Variants in SRSF1 observed in about 807,000 individuals in gnomAD.
SRSF1 encodes serine/arginine-rich splicing factor 1.
Under a neutral mutation model 25.9 loss-of-function variants are expected in SRSF1, and 1 was observed. That is an observed-to-expected ratio of 0.04 (90% CI 0.01 to 0.18). The LOEUF (loss-of-function observed/expected upper bound fraction) is 0.18. SRSF1 is among the 10% of genes least tolerant of loss of function. The pLI is 1.00. For synonymous variants in SRSF1, 132 were observed against 126.2 expected (o/e 1.05, Z -0.31); for missense variants, 65 against 350.5 (o/e 0.19, Z 6.50).
chr17:57,993,220 C>T, the SRSF1 span: 1 of 152,140 alleles, frequency 6.6e-6, no homozygotes, highest in East Asian at 1.9e-4. Flanking sequence ...GAAACCCTGT[C>T]TCTACTAAAA....
chr17:57,996,746 G>A (rs1385625780), downstream of SRSF1, among the ~76,000 whole-genome samples: 1 of 152,138 alleles, frequency 6.6e-6, no homozygotes, highest in Non-Finnish European at 1.5e-5. Flanking sequence ...GATGTGGGGT[G>A]TTAAAATGTA....
rs1053555618 is a variant in SRSF1 at position 58,004,717 on chromosome 17, G to A, written c.*689C>T. ...TTAAAACAAAAATGGGGGGAAGGGA[G>A]CAAAATAAGTTGCTACAAAATGGGC... On this transcript the variant is annotated 3_prime_UTR_variant, in exon 4 of 4. Coordinates refer to ENST00000258962, the MANE Select transcript of SRSF1 (RefSeq NM_006924.5). 5.7e-6 allele frequency: 2 copies of A among 351,208 alleles called. No individual in the cohort carries two copies. Among genetic ancestry groups the A allele is most frequent in the East Asian group, 4.2e-5 (1 of 23,904 alleles). The allele number at this position is 351,208 out of a possible 1,614,324, so 21.8% of individuals were successfully genotyped here. A position where few individuals can be genotyped will look rare whatever the true frequency, so the allele number is the denominator to read the frequency against.
At chr17:57,996,936 CCAA>C (rs766578590), downstream of SRSF1, among the ~76,000 whole-genome samples, 19 of 152,030 alleles carry the variant, frequency 1.2e-4, no homozygotes, top group Non-Finnish European at 2.1e-4. Context: ...TGAATAGTTA[CCAA>C]CAACAAAAAA....
chr17:58,006,552 G>T (rs756364563), intron 1 of SRSF1, 25 bp from the exon 2 acceptor site: 1 of 1,596,288 alleles, frequency 6.3e-7, no homozygotes, highest in Non-Finnish European at 8.5e-7. Flanking sequence ...AAAGTAAAAG[G>T]GATGAGAAAC....
rs2075415225 is a variant in SRSF1, at chr17:58,004,703, A to C, written c.*703T>G. 3 of 328,736 alleles carry C rather than the reference A, an allele frequency of 9.1e-6. No individual in the cohort carries two copies. Among genetic ancestry groups the C allele is most frequent in the Non-Finnish European group, 1.6e-5 (3 of 182,136 alleles). 20.4% of individuals were successfully genotyped at this position (328,736 alleles called of 1,614,324 possible). A position where few individuals can be genotyped will look rare whatever the true frequency, so the allele number is the denominator to read the frequency against. On this transcript the variant is annotated 3_prime_UTR_variant, in exon 4 of 4. Coordinates refer to ENST00000258962, the MANE Select transcript of SRSF1 (RefSeq NM_006924.5). ...CACATTAGTCCCTATTAAAACAAAA[A>C]TGGGGGGAAGGGAGCAAAATAAGTT... is the stretch of plus-strand genomic sequence containing the variant.
At chr17:57,996,053 G>A (rs2075363284), downstream of SRSF1, among the ~76,000 whole-genome samples, 1 of 152,156 alleles carries the variant, frequency 6.6e-6, no homozygotes, top group Non-Finnish European at 1.5e-5. Flanking sequence ...TCTGACTAAA[G>A]AACACAGTGT....
chr17:58,002,329 G>A lies in SRSF1; in HGVS notation c.*3077C>T, dbSNP rs572417705. Among the ~76,000 whole-genome samples the A allele has an allele frequency of 2.0e-5, 3 of 152,238 alleles. No homozygotes were observed. The highest frequency in any genetic ancestry group is 3.9e-4 in the East Asian group (2 of 5,188). On this transcript the variant is annotated 3_prime_UTR_variant, in exon 4 of 4. Coordinates refer to ENST00000258962, the MANE Select transcript of SRSF1 (RefSeq NM_006924.5). ...CAACGTTCATTAAAATCTACCGATT[G>A]GGGTGACCTTACACATTTCTTCCAC...
In SRSF1 at chr17:58,006,482, A is replaced by G. The variant is rs1272183824; in HGVS notation, c.240T>C (p.Asp80=). 5.3e-6 allele frequency: 8 copies of G among 1,514,370 alleles called. No homozygotes were observed. Among genetic ancestry groups the G allele is most frequent in the Non-Finnish European group, 7.1e-6 (8 of 1,120,684 alleles). The allele number at this position is 1,514,370 out of a possible 1,614,324, so 93.8% of individuals were successfully genotyped here. A position where few individuals can be genotyped will look rare whatever the true frequency, so the allele number is the denominator to read the frequency against. The change falls in exon 2 of 4, where the codon GAT becomes GAC. Residue 80 remains aspartate, a synonymous_variant. Coordinates refer to ENST00000258962, the MANE Select transcript of SRSF1 (RefSeq NM_006924.5). ...AVYGRDGYDY[D]GYRLRVEFPR... is the part of the protein sequence containing the mutation. ...GAAACTCCACCCGCAGACGGTACCC[A>G]TCGTAATCATAGCCGTCGCGACCAT... is the stretch of plus-strand genomic sequence containing the variant.
chr17:57,997,016 TTC>T (rs756048611), downstream of SRSF1, among the ~76,000 whole-genome samples: 2 of 152,170 alleles, frequency 1.3e-5, no homozygotes, highest in Admixed American at 1.3e-4. Flanking sequence ...TACCACTAAA[TTC>T]TGAGGCAACT....
chr17:58,006,620 C>G, intron 1 of SRSF1, 93 bp from the exon 2 acceptor site: 1 of 1,414,698 alleles, frequency 7.1e-7, no homozygotes, highest in South Asian at 1.4e-5. Flanking sequence ...CATGCGCACC[C>G]AACGTGGAAG....
At chr17:58,006,203 C>T in intron 2 of SRSF1, 140 bp downstream of exon 2, 3 of 1,143,984 alleles carry the variant, frequency 2.6e-6, no homozygotes, top group Non-Finnish European at 2.5e-6. Context: ...CAGCAATCCT[C>T]GTTTATTAAA....
chr17:57,998,450 C>T (rs978943698), downstream of SRSF1, among the ~76,000 whole-genome samples: 11 of 152,158 alleles, frequency 7.2e-5, no homozygotes, highest in African/African-American at 2.4e-4. Flanking sequence ...CCTGAGGGAA[C>T]AATTCTACCA....
At chr17:57,989,824 G>C in the SRSF1 span, 2 of 398,452 alleles carry the variant, frequency 5.0e-6, no homozygotes, top group Non-Finnish European at 8.8e-6. Flanking sequence ...AGAAAATGAT[G>C]AAAGAGTTTC....
chr17:57,996,716 G>A (rs2075366880), downstream of SRSF1, among the ~76,000 whole-genome samples: 1 of 152,172 alleles, frequency 6.6e-6, no homozygotes, highest in South Asian at 2.1e-4. Context: ...AAAAGGAATG[G>A]GGCTGCTTAT....
At chr17:57,997,940 T>C (rs2075371340), downstream of SRSF1, among the ~76,000 whole-genome samples, 1 of 152,196 alleles carries the variant, frequency 6.6e-6, no homozygotes, top group Non-Finnish European at 1.5e-5. Flanking sequence ...GTCAGCCAGG[T>C]GCGCTGGCTC....
chr17:57,999,722 G>A (rs1395986508), downstream of SRSF1, among the ~76,000 whole-genome samples: 1 of 152,130 alleles, frequency 6.6e-6, no homozygotes, highest in African/African-American at 2.4e-5. Context: ...TACCAATGGA[G>A]AGCAGTACAG....
In SRSF1 at chr17:58,003,622, A is replaced by C. The variant is rs1356226578; in HGVS notation, c.*1784T>G. ...ACTTACTGATTTACTATTTTAAACA[A>C]ACCCCCCCTTTCCCCTTTAAATGTT... On this transcript the variant is annotated 3_prime_UTR_variant, in exon 4 of 4. Transcript: ENST00000258962. 1 of 152,250 alleles carries C rather than the reference A, an allele frequency of 6.6e-6. No individual in the cohort carries two copies. Among genetic ancestry groups the C allele is most frequent in the Non-Finnish European group, 1.5e-5 (1 of 68,032 alleles). 9.4% of individuals were successfully genotyped at this position (152,250 alleles called of 1,614,324 possible). A position where few individuals can be genotyped will look rare whatever the true frequency, so the allele number is the denominator to read the frequency against.
At chr17:57,992,436 T>G in the SRSF1 span, 1 of 152,016 alleles carries the variant, frequency 6.6e-6, no homozygotes, top group Admixed American at 6.6e-5. Flanking sequence ...CTACAAAGAT[T>G]AGCTCAATTA....
chr17:58,007,192 A>G lies in SRSF1; in HGVS notation c.-55T>C. On this transcript the variant is annotated 5_prime_UTR_variant, in exon 1 of 4. Coordinates refer to ENST00000258962, the MANE Select transcript of SRSF1 (RefSeq NM_006924.5). The stretch of plus-strand genomic sequence containing the variant: ...CAGGCCTTCCCACCAAGCCTAGCGC[A>G]CGGCAGAGCGAGCCCGCAGCGGCAC... The G allele has an allele frequency of 6.3e-7, 1 of 1,597,056 alleles. No individual in the cohort carries two copies. The highest frequency in any genetic ancestry group is 1.1e-5 in the South Asian group (1 of 90,206).
Sources: gnomAD v4.1 joint callset for allele counts (sites outside exome capture counted in the v4.1 genomes callset) on GRCh38, gnomAD v4.1.1 for gene constraint, MANE v1.5 for transcripts, NCBI Gene and HGNC (gene_info 2026-07-23, HGNC 2026-07-21) for gene names.